The following UNC5D variants were observed in gnomAD, a reference collection of about 807,000 sequenced individuals.
The protein encoded by UNC5D is netrin receptor UNC5D.
In UNC5D, 39 loss-of-function variants were observed where a neutral mutation model predicts 105.4. That is an observed-to-expected ratio of 0.37 (90% CI 0.29 to 0.48). The LOEUF (loss-of-function observed/expected upper bound fraction) is 0.48, where lower values mean the gene tolerates loss of function less well. Ranked by LOEUF, UNC5D falls within the 20% of genes least tolerant of loss-of-function variation. The probability of loss-of-function intolerance (pLI) is 0.98; values close to 1 mark genes in which losing one functional copy is unlikely to be tolerated. For missense variants in UNC5D, 991 were observed against 1,202.4 expected (o/e 0.82, Z 2.60); for synonymous variants, 452 against 450.4 (o/e 1.00, Z -0.04).
At chr8:35,448,087 G>A (rs185161218) in intron 1 of UNC5D, among the ~76,000 whole-genome samples, 1 of 152,126 alleles carries the variant, frequency 6.6e-6, no homozygotes, top group Admixed American at 6.6e-5. Flanking sequence ...AACACATTTT[G>A]TCACCAATTT....
chr8:35,485,662 A>C (rs1393090897), intron 1 of UNC5D, among the ~76,000 whole-genome samples: 1 of 152,190 alleles, frequency 6.6e-6, no homozygotes, highest in Non-Finnish European at 1.5e-5. Context: ...AGTGAAAATA[A>C]CATAGGTTTT....
rs538651853 is a variant in UNC5D, at chr8:35,561,258, C to T, written c.323-6840C>T. Among the ~76,000 whole-genome samples, 14 of 152,250 alleles carry T rather than the reference C, an allele frequency of 9.2e-5. No individual in the cohort carries two copies. The East Asian group carries it at 2.1e-3, about 23-fold the overall frequency. On this transcript the variant is annotated intron_variant, in intron 2 of 16. Coordinates refer to ENST00000404895, the MANE Select transcript of UNC5D (RefSeq NM_080872.4). ...CCCCAGGACTAGGTACCAGACAACT[C>T]GGGTACCAACAACGCCACAGAGCCC...
chr8:35,479,788 G>A (rs1383268785), intron 1 of UNC5D, among the ~76,000 whole-genome samples: 2 of 152,114 alleles, frequency 1.3e-5, no homozygotes, highest in Non-Finnish European at 2.9e-5. Context: ...TCAGGGAAGG[G>A]AGAGAACATA....
chr8:35,336,146 C>T (rs921083943), intron 1 of UNC5D, among the ~76,000 whole-genome samples: 1 of 152,036 alleles, frequency 6.6e-6, no homozygotes, highest in African/African-American at 2.4e-5. Flanking sequence ...TAGTAAATAT[C>T]TATGTATATA....
intron 2 of UNC5D, among the ~76,000 whole-genome samples, chr8:35,562,840 G>C (rs1817056292): frequency 6.6e-6 from 1 of 151,870 alleles, no homozygotes; most frequent in Non-Finnish European, 1.5e-5. Flanking sequence ...TTTTACATTG[G>C]TTACCAGTGT....
intron 10 of UNC5D, chr8:35,727,316 G>C (rs1376464347): frequency 6.6e-6 from 1 of 152,248 alleles, no homozygotes; most frequent in African/African-American, 2.4e-5. Flanking sequence ...AGCAGGTAGT[G>C]ATCTGTTGGC....
chr8:35,469,480 G>A (rs1174822087), intron 1 of UNC5D, among the ~76,000 whole-genome samples: 1 of 152,202 alleles, frequency 6.6e-6, no homozygotes, highest in Non-Finnish European at 1.5e-5. Flanking sequence ...TACTGGGACA[G>A]CCCATATTGA....
At chr8:35,755,988 C>T (rs1184186102) in intron 13 of UNC5D, among the ~76,000 whole-genome samples, 1 of 152,114 alleles carries the variant, frequency 6.6e-6, no homozygotes, top group Non-Finnish European at 1.5e-5. Flanking sequence ...TCAGGCCTAG[C>T]CCCCCAGAGT....
chr8:35,585,625 G>A (rs1032364299), intron 3 of UNC5D, among the ~76,000 whole-genome samples: 1 of 151,758 alleles, frequency 6.6e-6, no homozygotes, highest in Non-Finnish European at 1.5e-5. Flanking sequence ...TGTGCTATGT[G>A]CAGATTCCTA....
intron 1 of UNC5D, among the ~76,000 whole-genome samples, chr8:35,424,864 G>A (rs1333968972): frequency 6.6e-6 from 1 of 152,222 alleles, no homozygotes; most frequent in Non-Finnish European, 1.5e-5. Flanking sequence ...TGGCACTTTA[G>A]AAGTTGACAC....
chr8:35,334,634 T>C (rs1810883415), intron 1 of UNC5D, among the ~76,000 whole-genome samples: 1 of 152,118 alleles, frequency 6.6e-6, no homozygotes, highest in Admixed American at 6.6e-5. Flanking sequence ...TGCCTCATCC[T>C]CCCGAGTAGC....
rs370096541 is a variant in UNC5D at position 35,767,083 on chromosome 8, C to T, written c.2478+17C>T. On this transcript the variant is annotated intron_variant, in intron 15 of 16. Coordinates refer to ENST00000404895, the MANE Select transcript of UNC5D (RefSeq NM_080872.4). ...ATCCTAGAGGTGAGTCCTTGATCTA[C>T]AGGTCATTTGACCCCCTTTCTGAAG... 1.0e-5 allele frequency: 16 copies of T among 1,596,128 alleles called. No individual in the cohort carries two copies. The highest frequency in any genetic ancestry group is 9.4e-5 in the African/African-American group (7 of 74,764).
chr8:35,421,623 T>G (rs939022482), intron 1 of UNC5D, among the ~76,000 whole-genome samples: 1 of 152,192 alleles, frequency 6.6e-6, no homozygotes, highest in Admixed American at 6.5e-5. Flanking sequence ...TCTTTTATTA[T>G]GAGCATGTAT....
Position 35,721,388 on chromosome 8 carries a change from G to A in UNC5D, c.1118-822G>A. The A allele has an allele frequency of 4.3e-6, 3 of 702,468 alleles. No individual in the cohort carries two copies. In the South Asian group the frequency reaches 4.4e-5, roughly 10 times the overall value. 43.5% of individuals were successfully genotyped at this position (702,468 alleles called of 1,614,324 possible). On this transcript the variant is annotated intron_variant, in intron 8 of 16. Transcript: ENST00000404895. ...GCAGCTATAGCACATCTTGCGGGGT[G>A]GGGAGGCACCCACATTCTAAATTCA...
At chr8:35,675,366 G>A (rs1825138791) in intron 4 of UNC5D, among the ~76,000 whole-genome samples, 1 of 152,166 alleles carries the variant, frequency 6.6e-6, no homozygotes, top group Non-Finnish European at 1.5e-5. Context: ...TATTCAGCAG[G>A]TGCCATTGAA....
chr8:35,284,728 AT>A (rs952896964), intron 1 of UNC5D, among the ~76,000 whole-genome samples: 3 of 151,374 alleles, frequency 2.0e-5, no homozygotes, highest in Non-Finnish European at 1.5e-5. Context: ...CTAATTTTTT[AT>A]TTTTTTGTAT....
chr8:35,555,999 A>G (rs1054357688), intron 2 of UNC5D, among the ~76,000 whole-genome samples: 1 of 151,732 alleles, frequency 6.6e-6, no homozygotes, highest in African/African-American at 2.4e-5. Context: ...GTTTGAAATC[A>G]GGCTCTCCAT....
intron 1 of UNC5D, 32 bp downstream of exon 1, chr8:35,235,919 C>T: frequency 9.5e-7 from 1 of 1,052,572 alleles, no homozygotes; most frequent in Non-Finnish European, 1.2e-6. Context: ...CAGCTGGGGG[C>T]GAGGGCGCAG....
chr8:35,257,105 G>A (rs1377262981), intron 1 of UNC5D, among the ~76,000 whole-genome samples: 1 of 151,738 alleles, frequency 6.6e-6, no homozygotes, highest in Non-Finnish European at 1.5e-5. Context: ...CTGAGTAGCT[G>A]GGATTACAGG....
Sources: allele counts gnomAD v4.1 joint callset (sites outside exome capture counted in the v4.1 genomes callset), GRCh38; gene constraint gnomAD v4.1.1; transcripts MANE v1.5; gene names NCBI Gene and HGNC (gene_info 2026-07-23, HGNC 2026-07-21).